PMS1: variants seen among roughly 807,000 people sequenced by gnomAD.
The protein encoded by PMS1 is PMS1 protein homolog 1.
Under a neutral mutation model 93.1 loss-of-function variants are expected in PMS1, and 79 were observed. The observed-to-expected ratio is 0.85, with a 90% CI of 0.71 to 1.02. The LOEUF (loss-of-function observed/expected upper bound fraction) is 1.02. Ranked by LOEUF, PMS1 falls within the 50% of genes least tolerant of loss-of-function variation. The pLI is 0.00. For missense variants in PMS1, 1,064 were observed against 1,085.3 expected (o/e 0.98, Z 0.28); for synonymous variants, 335 against 363.4 (o/e 0.92, Z 0.89).
intron 11 of PMS1, among the ~76,000 whole-genome samples, chr2:189,871,887 A>G (rs1277027146): frequency 6.6e-6 from 1 of 152,212 alleles, no homozygotes; most frequent in Non-Finnish European, 1.5e-5. Context: ...GGTCTCAGGA[A>G]GCTTACAATC....
chr2:189,812,117 A>G (rs555521457), intron 4 of PMS1, among the ~76,000 whole-genome samples: 1 of 152,300 alleles, frequency 6.6e-6, no homozygotes, highest in Admixed American at 6.5e-5. Flanking sequence ...CCTGGCCAAC[A>G]TGGCGAAACC....
rs1298599328 is a variant in PMS1 at position 189,854,228 on chromosome 2, TG to T, written c.967-10del. The T allele has an allele frequency of 6.4e-7, 1 of 1,573,520 alleles. No homozygotes were observed. The highest frequency in any genetic ancestry group is 8.7e-7 in the Non-Finnish European group (1 of 1,155,720). On this transcript the variant is annotated splice_polypyrimidine_tract_variant and intron_variant, in intron 8 of 12. Coordinates refer to ENST00000441310, the MANE Select transcript of PMS1 (RefSeq NM_000534.5). ...TAATTTCCCCTAACATTTGTTAATT[TG>T]TATTTTTAGGAATCTGTTTTAATTG...
At chr2:189,830,177 T>G (rs1042401117) in intron 5 of PMS1, among the ~76,000 whole-genome samples, 10 of 152,228 alleles carry the variant, frequency 6.6e-5, no homozygotes, top group Non-Finnish European at 1.2e-4. Flanking sequence ...GTAGTGTGAA[T>G]GTAGCCATAA....
intron 6 of PMS1, 98 bp downstream of exon 6, chr2:189,844,178 T>C: frequency 6.3e-7 from 1 of 1,576,712 alleles, no homozygotes; most frequent in South Asian, 1.1e-5. Context: ...GGTTAGTCTT[T>C]TAATATTTTA....
intron 12 of PMS1, among the ~76,000 whole-genome samples, chr2:189,876,113 T>A (rs913281134): frequency 2.0e-5 from 3 of 151,666 alleles, no homozygotes; most frequent in South Asian, 4.2e-4. Context: ...ACGTAAACTT[T>A]AAAAAAAAAT....
chr2:189,844,347 A>G (rs1041115553), intron 6 of PMS1, among the ~76,000 whole-genome samples: 4 of 152,114 alleles, frequency 2.6e-5, no homozygotes, highest in African/African-American at 9.7e-5. Flanking sequence ...TTTCTACTAT[A>G]AAAGAAAAAT....
In PMS1 at chr2:189,804,635, A is replaced by G. The variant is rs189252185; in HGVS notation, c.316-1017A>G. On this transcript the variant is annotated intron_variant, in intron 3 of 12. Transcript: ENST00000441310. ...CATGTTCCACAGAGCTGTAGGCCCT[A>G]CAGTAAATCTGCTTGGTTAGGGCAG... 2.6e-5 allele frequency among the ~76,000 whole-genome samples: 4 copies of G among 152,296 alleles called. No individual in the cohort carries two copies. The East Asian group carries it at 7.7e-4, about 29-fold the overall frequency.
chr2:189,784,699 G>C (rs1053232618), intron 1 of PMS1, 106 bp downstream of exon 1: 1 of 152,562 alleles, frequency 6.6e-6, no homozygotes, highest in Non-Finnish European at 1.5e-5. Flanking sequence ...GGCAGCTAAG[G>C]GCGCTCCCCG....
At chr2:189,816,916 A>G (rs992157966) in intron 4 of PMS1, among the ~76,000 whole-genome samples, 2 of 152,156 alleles carry the variant, frequency 1.3e-5, no homozygotes, top group African/African-American at 4.8e-5. Flanking sequence ...TATCCTAACT[A>G]TAGGTGATGC....
chr2:189,846,869 T>C (rs909739222), intron 6 of PMS1, among the ~76,000 whole-genome samples: 1 of 151,480 alleles, frequency 6.6e-6, no homozygotes, highest in Non-Finnish European at 1.5e-5. Context: ...TTTTCTTTTT[T>C]TTTTTTTTCT....
chr2:189,836,750 A>G (rs1240020669), intron 5 of PMS1, among the ~76,000 whole-genome samples: 2 of 152,342 alleles, frequency 1.3e-5, no homozygotes, highest in East Asian at 3.9e-4. Flanking sequence ...GATCTGATGC[A>G]ATAAAAATTG....
chr2:189,823,986 A>G (rs143127886), intron 5 of PMS1, among the ~76,000 whole-genome samples: 13 of 152,348 alleles, frequency 8.5e-5, no homozygotes, highest in African/African-American at 2.9e-4. Flanking sequence ...ATTTGACAAG[A>G]TTAAAAGTAA....
At chr2:189,836,457 A>G (rs1420591434) in intron 5 of PMS1, among the ~76,000 whole-genome samples, 2 of 152,254 alleles carry the variant, frequency 1.3e-5, no homozygotes, top group Non-Finnish European at 2.9e-5. Context: ...TAAGGGCAAG[A>G]TTTACAAAAA....
Position 189,844,089 on chromosome 2 carries a change from C to A in PMS1, c.699+9C>A. On this transcript the variant is annotated intron_variant, in intron 6 of 12. Coordinates refer to ENST00000441310, the MANE Select transcript of PMS1 (RefSeq NM_000534.5). ...ACTCTGAAGAATCTCAGGTATACTG[C>A]AAAAACATTCTCAGATAATTCTGAT... 1.2e-6 allele frequency: 2 copies of A among 1,613,156 alleles called. No homozygotes were observed. Among genetic ancestry groups the A allele is most frequent in the Non-Finnish European group, 1.7e-6 (2 of 1,179,836 alleles).
Position 189,801,639 on chromosome 2 carries a change from C to T in PMS1, c.316-4013C>T, listed in dbSNP as rs76174067. Among the ~76,000 whole-genome samples, 1,057 of 152,046 alleles carry T rather than the reference C, an allele frequency of 7.0e-3. 7 individuals are homozygous for T. The highest frequency in any genetic ancestry group is 0.024 in the African/African-American group (984 of 41,490). ...TTATTTTATTTTTTTTCTTAAAGAA[C>T]AAATTCTGAAGTAGGAGTCAGAAGC... On this transcript the variant is annotated intron_variant, in intron 3 of 12. Transcript: ENST00000441310.
intron 3 of PMS1, among the ~76,000 whole-genome samples, chr2:189,798,685 C>T (rs5742994): frequency 0.012 from 1,829 of 151,184 alleles, 29 homozygotes; most frequent in Admixed American, 0.014. Flanking sequence ...CTGAATCTGC[C>T]AGTACTATTT....
Position 189,873,634 on chromosome 2 carries a change from G to T in PMS1, c.2612G>T (p.Arg871Leu), listed in dbSNP as rs760863069. The T allele has an allele frequency of 1.2e-6, 2 of 1,605,316 alleles. No individual in the cohort carries two copies. The highest frequency in any genetic ancestry group is 1.7e-5 in the Admixed American group (1 of 59,964). Residue 871 changes from arginine (R) to leucine (L), a missense_variant, in exon 12 of 13, where the codon CGC becomes CTC. Coordinates refer to ENST00000441310, the MANE Select transcript of PMS1 (RefSeq NM_000534.5). ...AAGGAAGTTTATGAATGTAGACCTC[G>T]CAAAGTGATAAGTTATTTAGAGGTA... is the stretch of plus-strand genomic sequence containing the variant. The part of the protein sequence containing the change: ...NAKEVYECRP[R>L]KVISYLEGEA...
At chr2:189,851,059 G>T (rs1251440368) in intron 6 of PMS1, among the ~76,000 whole-genome samples, 1 of 152,078 alleles carries the variant, frequency 6.6e-6, no homozygotes, top group Non-Finnish European at 1.5e-5. Context: ...GCACTGATTT[G>T]GTGTCTCAAG....
chr2:189,808,551 G>A (rs1333379279), intron 4 of PMS1, among the ~76,000 whole-genome samples: 6 of 151,886 alleles, frequency 4.0e-5, no homozygotes, highest in African/African-American at 7.3e-5. Flanking sequence ...GGCTGGTCTC[G>A]AACTCCTGAC....
Sources: allele counts gnomAD v4.1 joint callset (sites outside exome capture counted in the v4.1 genomes callset), GRCh38; gene constraint gnomAD v4.1.1; transcripts MANE v1.5; gene names NCBI Gene and HGNC (gene_info 2026-07-23, HGNC 2026-07-21).